The following ASIC2 variants were observed in gnomAD, a reference collection of about 807,000 sequenced individuals.
The protein encoded by ASIC2 is acid sensing ion channel subunit 2, also known as acid-sensing ion channel 2.
Under a neutral mutation model 57.3 loss-of-function variants are expected in ASIC2, and 25 were observed. The ratio of observed to expected loss-of-function variants is 0.44; its 90% CI spans 0.32 to 0.61. ASIC2 has a LOEUF of 0.61. Ranked by LOEUF, ASIC2 falls within the 20% of genes least tolerant of loss-of-function variation. ASIC2 has a pLI of 0.06. For synonymous variants in ASIC2, 319 were observed against 307.5 expected (o/e 1.04, Z -0.39); for missense variants, 641 against 738.1 (o/e 0.87, Z 1.52).
intron 1 of ASIC2, among the ~76,000 whole-genome samples, chr17:33,518,610 T>G (rs1914642886): frequency 6.6e-6 from 1 of 152,232 alleles, no homozygotes; most frequent in Admixed American, 6.5e-5. Context: ...ACACTACTTA[T>G]GAGGCTTTTA....
At chr17:33,709,008 C>G (rs1053568472) in intron 1 of ASIC2, among the ~76,000 whole-genome samples, 2 of 152,208 alleles carry the variant, frequency 1.3e-5, no homozygotes, top group Non-Finnish European at 2.9e-5. Flanking sequence ...TATTCTGGGT[C>G]AAGATATATC....
intron 9 of ASIC2, among the ~76,000 whole-genome samples, chr17:33,014,346 C>G (rs1344798985): frequency 5.3e-5 from 8 of 152,048 alleles, no homozygotes; most frequent in Non-Finnish European, 8.8e-5. Context: ...GTAACTGGAC[C>G]TATATCTGAG....
intron 1 of ASIC2, among the ~76,000 whole-genome samples, chr17:33,200,828 C>T (rs1194711699): frequency 2.0e-5 from 3 of 152,214 alleles, no homozygotes; most frequent in Admixed American, 1.3e-4. Context: ...CTCTCCATCA[C>T]CCTCAGAGTA....
At chr17:33,688,568 G>A (rs1475471354) in intron 1 of ASIC2, among the ~76,000 whole-genome samples, 1 of 152,054 alleles carries the variant, frequency 6.6e-6, no homozygotes, top group African/African-American at 2.4e-5. Flanking sequence ...TTCCAGCAGG[G>A]AACAAAGCGA....
intron 1 of ASIC2, chr17:34,039,635 T>C (rs1167043689): frequency 3.7e-6 from 6 of 1,613,096 alleles, no homozygotes; most frequent in South Asian, 1.1e-5. Context: ...TTATGTCCCC[T>C]AGGAGTGCCT....
intron 1 of ASIC2, among the ~76,000 whole-genome samples, chr17:33,843,813 G>A (rs1193291174): frequency 6.6e-6 from 1 of 152,222 alleles, no homozygotes; most frequent in Admixed American, 6.5e-5. Context: ...CAGGCAAGAA[G>A]AGGCAAAGCT....
chr17:33,060,573 A>G (rs1451860691), intron 3 of ASIC2, among the ~76,000 whole-genome samples: 2 of 152,126 alleles, frequency 1.3e-5, no homozygotes, highest in Non-Finnish European at 2.9e-5. Flanking sequence ...GCCTTGTAGT[A>G]TAGTTTGCAG....
chr17:33,835,883 A>G (rs1913258389), intron 1 of ASIC2, among the ~76,000 whole-genome samples: 1 of 151,680 alleles, frequency 6.6e-6, no homozygotes, highest in Non-Finnish European at 1.5e-5. Context: ...CTTGAGCTCA[A>G]GTGATCCACC....
At chr17:33,547,720 G>A (rs1915624921) in intron 1 of ASIC2, among the ~76,000 whole-genome samples, 2 of 152,122 alleles carry the variant, frequency 1.3e-5, no homozygotes, top group Non-Finnish European at 2.9e-5. Flanking sequence ...ATTGTCCCTG[G>A]TTGCTGCCTT....
chr17:33,327,523 A>G (rs1212902315), intron 1 of ASIC2, among the ~76,000 whole-genome samples: 1 of 152,180 alleles, frequency 6.6e-6, no homozygotes, highest in African/African-American at 2.4e-5. Flanking sequence ...TTTTCCACCT[A>G]TCATGTACTC....
intron 1 of ASIC2, among the ~76,000 whole-genome samples, chr17:33,709,808 T>C (rs1908971590): frequency 6.6e-6 from 1 of 152,224 alleles, no homozygotes; most frequent in Non-Finnish European, 1.5e-5. Context: ...TTCAAGCCAC[T>C]TACTTTGTGC....
intron 3 of ASIC2, among the ~76,000 whole-genome samples, chr17:33,029,618 A>T (rs73273985): frequency 0.024 from 3,702 of 152,328 alleles, 168 homozygotes; most frequent in African/African-American, 0.081. Context: ...TTTTGTGGAC[A>T]TATGTTTTAA....
intron 1 of ASIC2, among the ~76,000 whole-genome samples, chr17:33,976,077 C>T (rs1482569621): frequency 3.4e-5 from 5 of 146,400 alleles, no homozygotes; most frequent in Admixed American, 2.8e-4. Context: ...ATCATCTGCT[C>T]GAATGTCACG....
At chr17:33,955,613 C>G (rs1904710034) in intron 1 of ASIC2, 1 of 152,222 alleles carries the variant, frequency 6.6e-6, no homozygotes, top group Non-Finnish European at 1.5e-5. Flanking sequence ...CACCAAAATA[C>G]CAGCACCAGC....
chr17:33,111,725 T>C (rs1384607629), intron 2 of ASIC2, 192 bp downstream of exon 2: 3 of 628,828 alleles, frequency 4.8e-6, no homozygotes, highest in Non-Finnish European at 7.4e-6. Flanking sequence ...CTCTCTCACA[T>C]AGTAAAAGGT....
At chr17:33,295,003 T>G (rs1905667385), upstream of ASIC2, among the ~76,000 whole-genome samples, 1 of 152,190 alleles carries the variant, frequency 6.6e-6, no homozygotes, top group African/African-American at 2.4e-5. Flanking sequence ...GGTGACCTAG[T>G]GACCTCAGTG....
At chr17:33,928,981 T>C (rs2141970020) in intron 1 of ASIC2, among the ~76,000 whole-genome samples, 1 of 152,292 alleles carries the variant, frequency 6.6e-6, no homozygotes, top group South Asian at 2.1e-4. Context: ...CATGAAATTT[T>C]CCTTCTTCTT....
rs1911099125 is a variant in ASIC2 at position 33,771,250 on chromosome 17, T to G, written c.555+384728A>C. 1.3e-5 allele frequency among the ~76,000 whole-genome samples: 2 copies of G among 152,190 alleles called. 1 individual carries two copies. Among genetic ancestry groups the G allele is most frequent in the African/African-American group, 4.8e-5 (2 of 41,446 alleles). Reference sequence around the variant, plus strand: ...TCACCATTCCTCAAACAAACAGCAGTTATGGAGACTGAGGACCAGGGAGAT... The same window carrying G: ...TCACCATTCCTCAAACAAACAGCAGGTATGGAGACTGAGGACCAGGGAGAT... On this transcript the variant is annotated intron_variant, in intron 1 of 9. Coordinates refer to the ASIC2 transcript ENST00000359872.
chr17:33,205,131 C>T (rs571381791), intron 1 of ASIC2, among the ~76,000 whole-genome samples: 1 of 152,374 alleles, frequency 6.6e-6, no homozygotes, highest in African/African-American at 2.4e-5. Flanking sequence ...TCTGTGGAGT[C>T]TGCAGTTTCC....
Sources: gnomAD v4.1 joint callset for allele counts (sites outside exome capture counted in the v4.1 genomes callset) on GRCh38, gnomAD v4.1.1 for gene constraint, MANE v1.5 for transcripts, NCBI Gene and HGNC (gene_info 2026-07-23, HGNC 2026-07-21) for gene names.